The following ZNF836 variants were observed in gnomAD, a reference collection of about 807,000 sequenced individuals.
The protein encoded by ZNF836 is zinc finger protein 836.
ZNF836 carries 12 observed loss-of-function variants against 7.4 expected under a neutral mutation model. The ratio of observed to expected loss-of-function variants is 1.61; its 90% CI spans 1.03 to 2.61. The LOEUF (loss-of-function observed/expected upper bound fraction) is 2.61, where lower values mean the gene tolerates loss of function less well. Among genes scored for constraint, ZNF836 ranks in the 30% most tolerant of loss-of-function variants. ZNF836 has a pLI of 0.00. For missense variants in ZNF836, 998 were observed against 1,126.2 expected (o/e 0.89, Z 1.63); for synonymous variants, 365 against 382.6 (o/e 0.95, Z 0.54).
chr19:52,170,250 G>A (rs1334537042), intron 1 of ZNF836: 3 of 151,790 alleles, frequency 2.0e-5, no homozygotes, highest in Admixed American at 6.6e-5. Context: ...TTCACCTCTC[G>A]TAGCTCTTTC....
In ZNF836 at chr19:52,156,550, C is replaced by T. The variant is rs376189856; in HGVS notation, c.1133G>A (p.Arg378Lys). Residue 378 changes from arginine (R) to lysine (K), a missense_variant, in exon 5 of 5, where the codon AGA (arginine) becomes AAA (lysine). Physicochemically the swap from Arg to Lys is conservative, Grantham distance 26. Transcript: ENST00000682614. ...GTATGGTTTCTCTCCAGTGTGGATTCTCTGGTGATTTACAAGATTAGAATT... is the reference window on the plus strand; with the variant it reads ...GTATGGTTTCTCTCCAGTGTGGATTTTCTGGTGATTTACAAGATTAGAATT... Reference protein sequence around the residue: ...RQNSNLVNHQRIHTGEKPYKC... With the variant: ...RQNSNLVNHQKIHTGEKPYKC... 12 of 1,613,930 alleles carry T rather than the reference C, an allele frequency of 7.4e-6. No individual in the cohort carries two copies. Among genetic ancestry groups the T allele is most frequent in the Non-Finnish European group, 1.0e-5 (12 of 1,180,024 alleles).
rs778588260 is a variant in ZNF836 at position 52,155,342 on chromosome 19, T to C, written c.2341A>G (p.Asn781Asp). ...IHTGEKPYKC[N>D]ECGKVFRHQS... is the part of the protein sequence containing the mutation. ...TGACGAAAGACCTTGCCACATTCAT[T>C]ACATTTGTAAGGTTTCTCTCCAGTG... Residue 781 changes from asparagine to aspartate, a missense_variant, in exon 5 of 5, where the codon AAT (asparagine) becomes GAT (aspartate). Coordinates refer to ENST00000682614, the MANE Select transcript of ZNF836 (RefSeq NM_001102657.3). 8 of 1,614,194 alleles carry C rather than the reference T, an allele frequency of 5.0e-6. No homozygotes were observed. The Admixed American group carries it at 1.3e-4, about 27-fold the overall frequency.
rs1219229061 is a variant in ZNF836 at position 52,154,617 on chromosome 19, G to A, written c.*255C>T. The A allele has an allele frequency of 6.2e-5, 18 of 289,454 alleles. No homozygotes were observed. Among genetic ancestry groups the A allele is most frequent in the Admixed American group, 2.4e-4 (5 of 21,246 alleles). 17.9% of individuals were successfully genotyped at this position (289,454 alleles called of 1,614,324 possible). A position where few individuals can be genotyped will look rare whatever the true frequency, so the allele number is the denominator to read the frequency against. On this transcript the variant is annotated 3_prime_UTR_variant, in exon 5 of 5. Transcript: ENST00000682614. ...AGAGGTTGCAGTGAGCCTAGATCACGCCACTGCATTCCAGCCTGGCGACAG... is the reference window on the plus strand; with the variant it reads ...AGAGGTTGCAGTGAGCCTAGATCACACCACTGCATTCCAGCCTGGCGACAG...
Position 52,155,065 on chromosome 19 carries a change from C to A in ZNF836, c.2618G>T (p.Arg873Leu). 1 of 1,614,096 alleles carries A rather than the reference C, an allele frequency of 6.2e-7. No individual in the cohort carries two copies. The highest frequency in any genetic ancestry group is 8.5e-7 in the Non-Finnish European group (1 of 1,180,008). ...KCIECGKAFG[R>L]FSCLNKHQMI... Reference sequence around the variant, plus strand: ...TTGGTGTTTGTTGAGGCAAGAAAACCGCCCAAAGGCCTTGCCACATTCAAT... The same window carrying A: ...TTGGTGTTTGTTGAGGCAAGAAAACAGCCCAAAGGCCTTGCCACATTCAAT... The change falls in exon 5 of 5, where the codon CGG becomes CTG. Residue 873 changes from arginine (R) to leucine (L), a missense_variant. Physicochemically the swap from Arg to Leu is moderately radical, Grantham distance 102 (BLOSUM62 -2). Transcript: ENST00000682614.
intron 3 of ZNF836, among the ~76,000 whole-genome samples, chr19:52,164,497 G>T (rs556849383): frequency 4.1e-5 from 3 of 73,030 alleles, no homozygotes; most frequent in Admixed American, 1.1e-4. Context: ...GAAAGAAAAA[G>T]AGAGAAAGAA....
chr19:52,159,165 A>G (rs2089192045), intron 4 of ZNF836, among the ~76,000 whole-genome samples: 1 of 152,150 alleles, frequency 6.6e-6, no homozygotes, highest in Admixed American at 6.5e-5. Context: ...TATCTGCTAT[A>G]CCTAACCACA....
chr19:52,156,539 C>T lies in ZNF836; in HGVS notation c.1144G>A (p.Gly382Arg), dbSNP rs1454297248. The T allele has an allele frequency of 6.2e-7, 1 of 1,613,958 alleles. No homozygotes were observed. Among genetic ancestry groups the T allele is most frequent in the African/African-American group, 1.3e-5 (1 of 74,878 alleles). Reference protein sequence around the residue: ...NLVNHQRIHTGEKPYKCNICG... With the variant: ...NLVNHQRIHTREKPYKCNICG... ...ATGTTGCATTTGTATGGTTTCTCTC[C>T]AGTGTGGATTCTCTGGTGATTTACA... Residue 382 changes from glycine to arginine, a missense_variant, in exon 5 of 5, where the codon GGA becomes AGA. Gly to Arg is a moderately radical substitution (Grantham distance 125). Coordinates refer to ENST00000682614, the MANE Select transcript of ZNF836 (RefSeq NM_001102657.3).
intron 2 of ZNF836, 61 bp downstream of exon 2, chr19:52,169,587 G>T (rs185708016): frequency 6.6e-6 from 1 of 151,476 alleles, no homozygotes; most frequent in African/African-American, 2.4e-5. Flanking sequence ...CCCAAAAAAA[G>T]AAAAAAGCAA....
At chr19:52,169,398 GGA>G (rs756471910) in intron 2 of ZNF836, among the ~76,000 whole-genome samples, 14 of 152,084 alleles carry the variant, frequency 9.2e-5, no homozygotes, top group Non-Finnish European at 1.8e-4. Flanking sequence ...TGACCAACAT[GGA>G]GAAACTCTGT....
At chr19:52,160,347 T>G in intron 4 of ZNF836, 118 bp downstream of exon 4, 5 of 1,271,744 alleles carry the variant, frequency 3.9e-6, no homozygotes, top group Non-Finnish European at 5.6e-6. Flanking sequence ...TTTTTATTTG[T>G]GAGTCAACAA....
chr19:52,157,583 T>C (rs1347207012), intron 4 of ZNF836, 43 bp from the exon 5 acceptor site: 2 of 1,443,352 alleles, frequency 1.4e-6, no homozygotes, highest in Non-Finnish European at 1.8e-6. Context: ...GTTGGTTTTT[T>C]TTTTTGAGAC....
chr19:52,156,951 T>C lies in ZNF836; in HGVS notation c.732A>G (p.Lys244=), dbSNP rs774187007. The C allele has an allele frequency of 6.2e-7, 1 of 1,614,188 alleles. No homozygotes were observed. The highest frequency in any genetic ancestry group is 1.7e-5 in the Admixed American group (1 of 60,028). The part of the protein sequence containing the change: ...INHQMVHTTE[K]PYKCNECGKA... Reference sequence around the variant, plus strand: ...TGCCACATTCATTGCATTTGTAAGGTTTCTCTGTAGTATGTACCATCTGAT... The same window carrying C: ...TGCCACATTCATTGCATTTGTAAGGCTTCTCTGTAGTATGTACCATCTGAT... The change falls in exon 5 of 5, where the codon AAA becomes AAG. Residue 244 remains lysine (K), a synonymous_variant. Transcript: ENST00000682614.
intron 3 of ZNF836, among the ~76,000 whole-genome samples, chr19:52,164,157 C>T (rs1055573190): frequency 6.6e-6 from 1 of 151,518 alleles, no homozygotes; most frequent in Non-Finnish European, 1.5e-5. Flanking sequence ...TTTGGGGAGC[C>T]AAGGAGGGCA....
At position 52,166,719 on chromosome 19, in the gene ZNF836, C is replaced by G. The variant is rs555036568; in HGVS notation, c.15+1339G>C. Among the ~76,000 whole-genome samples the G allele has an allele frequency of 5.9e-5, 9 of 151,614 alleles. No homozygotes were observed. The East Asian group carries it at 7.8e-4, about 13-fold the overall frequency. ...CTCCCAAGTAGCTGGGACTACAGGC[C>G]CCCGCCACCACGCCCAGCTAATTTT... On this transcript the variant is annotated intron_variant, in intron 3 of 4. Transcript: ENST00000682614.
At chr19:52,162,735 C>T (rs1235607275) in intron 3 of ZNF836, among the ~76,000 whole-genome samples, 1 of 152,142 alleles carries the variant, frequency 6.6e-6, no homozygotes, top group African/African-American at 2.4e-5. Flanking sequence ...CTGCATCCTT[C>T]CAACAATAAG....
rs182013636 is a variant in ZNF836, at chr19:52,156,044, T to A, written c.1639A>T (p.Ile547Phe). Residue 547 changes from isoleucine (I) to phenylalanine (F), a missense_variant, in exon 5 of 5, where the codon ATT becomes TTT. Physicochemically the swap from Ile to Phe is conservative, Grantham distance 21 (BLOSUM62 0). Coordinates refer to ENST00000682614, the MANE Select transcript of ZNF836 (RefSeq NM_001102657.3). Reference sequence around the variant, plus strand: ...TTGTAAGGTTGCTCCCCAGTATGAATTCTTAAATGTCTTACAAGGCATGAA... The same window carrying A: ...TTGTAAGGTTGCTCCCCAGTATGAAATCTTAAATGTCTTACAAGGCATGAA... ...ENSCLVRHLR[I>F]HTGEQPYKCN... The A allele has an allele frequency of 1.5e-5, 24 of 1,614,068 alleles. No individual in the cohort carries two copies. The East Asian group carries it at 5.1e-4, about 34-fold the overall frequency.
At chr19:52,164,474 AAG>A in intron 3 of ZNF836, among the ~76,000 whole-genome samples, 1 of 117,450 alleles carries the variant, frequency 8.5e-6, no homozygotes, top group Non-Finnish European at 1.8e-5. Flanking sequence ...GGAAGGAAGG[AAG>A]GAAAGAAAGA....
At chr19:52,163,919 A>G (rs2089236273) in intron 3 of ZNF836, among the ~76,000 whole-genome samples, 2 of 151,996 alleles carry the variant, frequency 1.3e-5, no homozygotes, top group South Asian at 4.2e-4. Flanking sequence ...CACAATCCCC[A>G]GTCAGAAAAT....
At position 52,157,047 on chromosome 19, in the gene ZNF836, G is replaced by A; in HGVS notation, c.636C>T (p.His212=). 1.2e-6 allele frequency: 2 copies of A among 1,614,002 alleles called. No individual in the cohort carries two copies. The highest frequency in any genetic ancestry group is 1.7e-6 in the Non-Finnish European group (2 of 1,179,904). Residue 212 remains histidine, a synonymous_variant, in exon 5 of 5, where the codon CAC becomes CAT. Coordinates refer to ENST00000682614, the MANE Select transcript of ZNF836 (RefSeq NM_001102657.3). ...TACACATATAAGGTTTTTCCCTAAT[G>A]TGTGTTTTCTCAAGTTGGGTGGGTA... The part of the protein sequence containing the change: ...LSLPTQLEKT[H]IREKPYMCKG...
Sources: allele counts gnomAD v4.1 joint callset (sites outside exome capture counted in the v4.1 genomes callset), GRCh38; gene constraint gnomAD v4.1.1; transcripts MANE v1.5; gene names NCBI Gene and HGNC (gene_info 2026-07-23, HGNC 2026-07-21).